The following CBFA2T2 variants were observed in gnomAD, a reference collection of about 807,000 sequenced individuals.
CBFA2T2 encodes protein CBFA2T2.
A neutral mutation model predicts 62.2 loss-of-function variants in CBFA2T2; 11 were observed. The observed-to-expected ratio is 0.18, with a 90% CI of 0.11 to 0.29. CBFA2T2 has a LOEUF of 0.29. Among genes scored for constraint, CBFA2T2 ranks in the 10% least tolerant of loss-of-function variants. The pLI is 1.00. For synonymous variants in CBFA2T2, 295 were observed against 287.5 expected (o/e 1.03, Z -0.27); for missense variants, 592 against 774.1 (o/e 0.76, Z 2.79).
At chr20:33,603,236 C>A (rs1408441280) in intron 1 of CBFA2T2, among the ~76,000 whole-genome samples, 1 of 152,086 alleles carries the variant, frequency 6.6e-6, no homozygotes, top group Non-Finnish European at 1.5e-5. Flanking sequence ...CTTTAAATTC[C>A]TATGTAGGAA....
chr20:33,536,818 G>A (rs2012260252), intron 1 of CBFA2T2, among the ~76,000 whole-genome samples: 1 of 150,406 alleles, frequency 6.6e-6, no homozygotes, highest in Non-Finnish European at 1.5e-5. Flanking sequence ...ATGGCGGCCG[G>A]GAAGAGGCGC....
At chr20:33,644,274 T>C in intron 10 of CBFA2T2, 73 bp from the exon 11 acceptor site, 3 of 1,531,816 alleles carry the variant, frequency 2.0e-6, no homozygotes, top group Non-Finnish European at 2.7e-6. Flanking sequence ...CCCCTTGCTT[T>C]ACTGTGCAGG....
chr20:33,588,790 T>C (rs2014488606), intron 1 of CBFA2T2, among the ~76,000 whole-genome samples: 1 of 151,882 alleles, frequency 6.6e-6, no homozygotes. Flanking sequence ...CTAGTAAAAA[T>C]GCAAAAATTA....
At chr20:33,557,688 G>A (rs1457946761) in intron 1 of CBFA2T2, among the ~76,000 whole-genome samples, 1 of 151,868 alleles carries the variant, frequency 6.6e-6, no homozygotes, top group Non-Finnish European at 1.5e-5. Flanking sequence ...GTAATTTTTT[G>A]TAGAAATGGG....
At chr20:33,526,133 C>T (rs191411658) in intron 1 of CBFA2T2, among the ~76,000 whole-genome samples, 8 of 151,474 alleles carry the variant, frequency 5.3e-5, no homozygotes, top group African/African-American at 1.2e-4. Context: ...TGAATCCTCC[C>T]GCCTTGGCCT....
At chr20:33,537,513 G>C (rs1051403977) in intron 1 of CBFA2T2, among the ~76,000 whole-genome samples, 1 of 152,196 alleles carries the variant, frequency 6.6e-6, no homozygotes, top group Non-Finnish European at 1.5e-5. Context: ...GCCGTGGTGA[G>C]AGTGAGAGGG....
At chr20:33,584,780 G>A (rs2014292260) in intron 1 of CBFA2T2, among the ~76,000 whole-genome samples, 1 of 152,098 alleles carries the variant, frequency 6.6e-6, no homozygotes, top group Non-Finnish European at 1.5e-5. Flanking sequence ...GGAGACAGAG[G>A]CAGACTTAAT....
intron 1 of CBFA2T2, among the ~76,000 whole-genome samples, chr20:33,494,249 A>ATATATATATG (rs2011172434): frequency 2.1e-5 from 1 of 47,046 alleles, no homozygotes; most frequent in Non-Finnish European, 3.8e-5. Context: ...ATGTGTATAT[A>ATATATATATG]TATATATATA....
At chr20:33,534,724 T>G (rs1053950876) in intron 1 of CBFA2T2, among the ~76,000 whole-genome samples, 2 of 150,996 alleles carry the variant, frequency 1.3e-5, no homozygotes. Flanking sequence ...AAGAATAGAG[T>G]TAAAAAGATT....
intron 1 of CBFA2T2, among the ~76,000 whole-genome samples, chr20:33,499,033 A>C (rs1022670587): frequency 6.9e-5 from 10 of 145,320 alleles, no homozygotes; most frequent in Non-Finnish European, 1.3e-4. Flanking sequence ...GAAAGAGTGA[A>C]ACTCCGTCTA....
At chr20:33,536,752 C>A (rs1395595106) in intron 1 of CBFA2T2, among the ~76,000 whole-genome samples, 2 of 150,082 alleles carry the variant, frequency 1.3e-5, no homozygotes, top group African/African-American at 4.9e-5. Context: ...AGAGGCGCTC[C>A]CCACATCTCA....
At position 33,517,450 on chromosome 20, in the gene CBFA2T2, G is replaced by GTT. The variant is rs773285489; in HGVS notation, c.34+27150_34+27151insTT. On this transcript the variant is annotated intron_variant, in intron 1 of 10. Coordinates refer to ENST00000342704, the MANE Select transcript of CBFA2T2 (RefSeq NM_001032999.3). ...AGGACTGGTTTTTTTGGTTTTTTTG[G>GTT]TGTTTTTTTTTTTTTTTGAGACAGA... Among the ~76,000 whole-genome samples the GTT allele has an allele frequency of 6.1e-4, 79 of 129,106 alleles. 4 individuals carry two copies. Among genetic ancestry groups the GTT allele is most frequent in the South Asian group, 2.5e-3 (10 of 4,062 alleles). 84.7% of individuals were successfully genotyped at this position (129,106 alleles called of 152,430 possible).
intron 1 of CBFA2T2, among the ~76,000 whole-genome samples, chr20:33,537,438 T>C (rs2012294744): frequency 3.9e-5 from 6 of 152,150 alleles, no homozygotes; most frequent in Non-Finnish European, 8.8e-5. Flanking sequence ...ATGGCAGCAG[T>C]ACAGTCCAGC....
chr20:33,498,569 T>C (rs1441525366), intron 1 of CBFA2T2, among the ~76,000 whole-genome samples: 1 of 151,836 alleles, frequency 6.6e-6, no homozygotes, highest in Non-Finnish European at 1.5e-5. Flanking sequence ...AGTTTTCTTA[T>C]ATACAGAATC....
intron 1 of CBFA2T2, among the ~76,000 whole-genome samples, chr20:33,507,714 C>T (rs2011428160): frequency 6.6e-6 from 1 of 152,130 alleles, no homozygotes; most frequent in Non-Finnish European, 1.5e-5. Flanking sequence ...ACTTTTTCCC[C>T]CCTACTGCTG....
rs144729964 is a variant in CBFA2T2, at chr20:33,549,000, C to T, written c.35-57956C>T. Among the ~76,000 whole-genome samples, 734 of 149,292 alleles carry T rather than the reference C, an allele frequency of 4.9e-3. 9 individuals carry two copies. Among genetic ancestry groups the T allele is most frequent in the African/African-American group, 0.017 (677 of 39,334 alleles). Reference sequence around the variant, plus strand: ...TCCATCCATCCATCCATCCATCCATCCATCCGTATTCATTCATTGTACTTA... The same window carrying T: ...TCCATCCATCCATCCATCCATCCATTCATCCGTATTCATTCATTGTACTTA... On this transcript the variant is annotated intron_variant, in intron 1 of 10. Transcript: ENST00000342704.
intron 1 of CBFA2T2, among the ~76,000 whole-genome samples, chr20:33,572,884 A>G (rs1281828454): frequency 1.3e-5 from 2 of 152,250 alleles, no homozygotes; most frequent in African/African-American, 4.8e-5. Flanking sequence ...AAAGAATTTT[A>G]TAGGGCATGG....
chr20:33,635,733 G>A (rs2016608117), intron 8 of CBFA2T2, among the ~76,000 whole-genome samples: 1 of 152,054 alleles, frequency 6.6e-6, no homozygotes, highest in Admixed American at 6.6e-5. Context: ...GGGAAATTAG[G>A]CGGTCATGGT....
At chr20:33,630,463 C>G (rs1393346939) in intron 8 of CBFA2T2, among the ~76,000 whole-genome samples, 1 of 152,170 alleles carries the variant, frequency 6.6e-6, no homozygotes, top group Non-Finnish European at 1.5e-5. Context: ...CTTACCTTCC[C>G]TCCTCCTGTC....
Sources: allele counts gnomAD v4.1 joint callset (sites outside exome capture counted in the v4.1 genomes callset), GRCh38; gene constraint gnomAD v4.1.1; transcripts MANE v1.5; gene names NCBI Gene and HGNC (gene_info 2026-07-23, HGNC 2026-07-21).